SUSD5: variants seen among roughly 807,000 people sequenced by gnomAD.
The protein encoded by SUSD5 is sushi domain-containing protein 5.
Under a neutral mutation model 29.5 loss-of-function variants are expected in SUSD5, and 33 were observed. That is an observed-to-expected ratio of 1.12 (90% CI 0.85 to 1.49). SUSD5 has a LOEUF of 1.49. Ranked by LOEUF, SUSD5 falls within the 40% of genes most tolerant of loss-of-function variation. The pLI is 0.00. For missense variants in SUSD5, 776 were observed against 800.6 expected (o/e 0.97, Z 0.37); for synonymous variants, 308 against 325.3 (o/e 0.95, Z 0.57).
At chr3:33,166,419 G>C (rs1270867269) in intron 4 of SUSD5, among the ~76,000 whole-genome samples, 1 of 152,188 alleles carries the variant, frequency 6.6e-6, no homozygotes, top group Middle Eastern at 3.2e-3. Context: ...TTTAGATCTT[G>C]ATGGTGCTTG....
At chr3:33,192,257 T>C (rs1429232085) in intron 3 of SUSD5, among the ~76,000 whole-genome samples, 6 of 149,932 alleles carry the variant, frequency 4.0e-5, no homozygotes, top group Admixed American at 2.7e-4. Context: ...TTCTTTTTTT[T>C]TTTTTTGTAT....
chr3:33,213,890 C>G lies in SUSD5; in HGVS notation c.290+38G>C, dbSNP rs201454825. The G allele has an allele frequency of 2.0e-4, 310 of 1,557,712 alleles. 1 individual carries two copies. The African/African-American group carries it at 3.0e-3, about 15-fold the overall frequency. ...TCCTATATAAGCCTTGGTGGTGCAA[C>G]TGGGGTGAGTTGGAAAAGGAGTGCT... On this transcript the variant is annotated intron_variant, in intron 2 of 4. Coordinates refer to ENST00000309558, the MANE Select transcript of SUSD5 (RefSeq NM_015551.2).
intron 4 of SUSD5, among the ~76,000 whole-genome samples, chr3:33,169,242 C>T (rs540162223): frequency 1.6e-4 from 24 of 151,432 alleles, no homozygotes; most frequent in African/African-American, 5.3e-4. Context: ...TTTTTTGGAA[C>T]GAAGTTTCGC....
chr3:33,196,960 G>GTTAC (rs1476226503), intron 3 of SUSD5, among the ~76,000 whole-genome samples: 1 of 152,178 alleles, frequency 6.6e-6, no homozygotes, highest in African/African-American at 2.4e-5. Flanking sequence ...GTTGTGCCTA[G>GTTAC]TTACTCATCT....
intron 4 of SUSD5, chr3:33,168,511 G>A (rs1377980929): frequency 1.0e-6 from 1 of 985,182 alleles, no homozygotes; most frequent in Non-Finnish European, 1.2e-6. Context: ...AAAGAGCAAA[G>A]GAACTTACTG....
rs764739657 is a variant in SUSD5 at position 33,175,057 on chromosome 3, G to C, written c.427C>G (p.Pro143Ala). ...IKDEEKPCGDPPSFPHTILQG... is the reference protein window; with the variant it reads ...IKDEEKPCGDAPSFPHTILQG... Reference sequence around the variant, plus strand: ...AGGATGGTGTGTGGGAACGAAGGCGGGTCTCCACACGGCTTCTCTGAGGAG... The same window carrying C: ...AGGATGGTGTGTGGGAACGAAGGCGCGTCTCCACACGGCTTCTCTGAGGAG... Residue 143 changes from proline to alanine, a missense_variant, in exon 4 of 5, where the codon CCG (proline) becomes GCG (alanine). Physicochemically the swap from Pro to Ala is conservative, Grantham distance 27. Transcript: ENST00000309558. 9 of 1,613,990 alleles carry C rather than the reference G, an allele frequency of 5.6e-6. No homozygotes were observed. The highest frequency in any genetic ancestry group is 6.8e-6 in the Non-Finnish European group (8 of 1,179,880).
At chr3:33,198,280 G>T (rs987929178) in intron 3 of SUSD5, among the ~76,000 whole-genome samples, 5 of 152,160 alleles carry the variant, frequency 3.3e-5, no homozygotes, top group African/African-American at 1.2e-4. Context: ...TCTATGTCAT[G>T]GGTTCTAATA....
At chr3:33,165,621 G>A (rs1427307173) in intron 4 of SUSD5, among the ~76,000 whole-genome samples, 1 of 152,144 alleles carries the variant, frequency 6.6e-6, no homozygotes, top group African/African-American at 2.4e-5. Context: ...TAATTCAACT[G>A]ATATTCAGGA....
At position 33,164,063 on chromosome 3, in the gene SUSD5, G is replaced by C. The variant is rs577064268; in HGVS notation, c.599-10030C>G. Among the ~76,000 whole-genome samples, 4 of 151,976 alleles carry C rather than the reference G, an allele frequency of 2.6e-5. No homozygotes were observed. The South Asian group carries it at 6.2e-4, about 24-fold the overall frequency. Reference sequence around the variant, plus strand: ...GTTGCAACTGCCTGTAATCCCAGCTGCTCAGGAGGCTGAGACAGGAGAATC... The same window carrying C: ...GTTGCAACTGCCTGTAATCCCAGCTCCTCAGGAGGCTGAGACAGGAGAATC... On this transcript the variant is annotated intron_variant, in intron 4 of 4. Coordinates refer to ENST00000309558, the MANE Select transcript of SUSD5 (RefSeq NM_015551.2).
In SUSD5 at chr3:33,164,814, C is replaced by T. The variant is rs1202537635; in HGVS notation, c.598+10072G>A. Among the ~76,000 whole-genome samples the T allele has an allele frequency of 2.0e-5, 3 of 152,160 alleles. No homozygotes were observed. In the East Asian group the frequency reaches 5.8e-4, roughly 29 times the overall value. The stretch of plus-strand genomic sequence containing the variant: ...AAACTCAAATTAAGTGACATCACAA[C>T]ATACCCATCAATATGGCTAAAAATT... On this transcript the variant is annotated intron_variant, in intron 4 of 4. Transcript: ENST00000309558.
At chr3:33,166,626 T>C (rs1411575856) in intron 4 of SUSD5, among the ~76,000 whole-genome samples, 2 of 152,200 alleles carry the variant, frequency 1.3e-5, no homozygotes, top group South Asian at 2.1e-4. Flanking sequence ...CCCCTGCCTT[T>C]GTATTCCCCC....
At chr3:33,158,734 C>A (rs1399226442) in intron 4 of SUSD5, among the ~76,000 whole-genome samples, 1 of 152,108 alleles carries the variant, frequency 6.6e-6, no homozygotes, top group Non-Finnish European at 1.5e-5. Context: ...GATGAATATC[C>A]CTGTTCTCAG....
intron 3 of SUSD5, among the ~76,000 whole-genome samples, chr3:33,192,730 A>C (rs1029849250): frequency 1.3e-5 from 2 of 151,972 alleles, no homozygotes; most frequent in Non-Finnish European, 2.9e-5. Flanking sequence ...AATCTCTTGA[A>C]CCCAGAAGGT....
rs910131730 is a variant in SUSD5, at chr3:33,167,415, G to A, written c.598+7471C>T. Among the ~76,000 whole-genome samples the A allele has an allele frequency of 7.9e-5, 12 of 151,650 alleles. No homozygotes were observed. Among genetic ancestry groups the A allele is most frequent in the African/African-American group, 1.7e-4 (7 of 41,304 alleles). On this transcript the variant is annotated intron_variant, in intron 4 of 4. Coordinates refer to ENST00000309558, the MANE Select transcript of SUSD5 (RefSeq NM_015551.2). This position sits in a 1 kb window ranked among gnomAD's most constrained non-coding sequence, Gnocchi z 4.1. ...TGTGTTTGTTTGTGTGCATGCATGC[G>A]TGTGTGTGTGTCTGTGTATGCATGG...
rs189680242 is a variant in SUSD5, at chr3:33,198,459, C to T, written c.409+9349G>A. Among the ~76,000 whole-genome samples the T allele has an allele frequency of 3.2e-4, 48 of 152,284 alleles. No homozygotes were observed. In the Middle Eastern group the frequency reaches 0.01, roughly 32 times the overall value. The stretch of plus-strand genomic sequence containing the variant: ...CACTTTCTTGTCATAAACATGGGGC[C>T]TGGTGGACTTTGCAAAAAGGACAAG... On this transcript the variant is annotated intron_variant, in intron 3 of 4. Coordinates refer to ENST00000309558, the MANE Select transcript of SUSD5 (RefSeq NM_015551.2).
intron 3 of SUSD5, among the ~76,000 whole-genome samples, chr3:33,193,259 A>T (rs1020531354): frequency 6.6e-6 from 1 of 152,184 alleles, no homozygotes; most frequent in Non-Finnish European, 1.5e-5. Flanking sequence ...TAGAAACAAC[A>T]CTATTTGCAT....
intron 2 of SUSD5, among the ~76,000 whole-genome samples, chr3:33,209,586 ATTCC>A (rs889479890): frequency 7.0e-5 from 8 of 114,752 alleles, no homozygotes; most frequent in Admixed American, 1.9e-4. Flanking sequence ...TCTTTCCTTC[ATTCC>A]TTCCTTCCTT....
Position 33,218,666 on chromosome 3 carries a change from G to A in SUSD5, c.112+20C>T. On this transcript the variant is annotated intron_variant, in intron 1 of 4. Transcript: ENST00000309558. Reference sequence around the variant, plus strand: ...GACCCCACGCTCCACCCCCCGCCCCGCCGCCTCCCGCACACTCACCATCCG... The same window carrying A: ...GACCCCACGCTCCACCCCCCGCCCCACCGCCTCCCGCACACTCACCATCCG... 2.1e-6 allele frequency: 2 copies of A among 946,662 alleles called. No homozygotes were observed. Among genetic ancestry groups the A allele is most frequent in the South Asian group, 3.1e-5 (1 of 32,736 alleles). 58.6% of individuals were successfully genotyped at this position (946,662 alleles called of 1,614,324 possible). A position where few individuals can be genotyped will look rare whatever the true frequency, so the allele number is the denominator to read the frequency against.
At chr3:33,181,015 TAA>T (rs1162053400) in intron 3 of SUSD5, among the ~76,000 whole-genome samples, 2 of 149,744 alleles carry the variant, frequency 1.3e-5, no homozygotes, top group African/African-American at 4.9e-5. Flanking sequence ...ATTTAAAAAA[TAA>T]AAAAAGTATA....
Sources: allele counts gnomAD v4.1 joint callset (sites outside exome capture counted in the v4.1 genomes callset), GRCh38; gene constraint gnomAD v4.1.1; non-coding constraint Gnocchi (gnomAD v3.1); transcripts MANE v1.5; gene names NCBI Gene and HGNC (gene_info 2026-07-23, HGNC 2026-07-21).